The following ROBO2 variants were observed in gnomAD, a reference collection of about 807,000 sequenced individuals.
ROBO2 encodes roundabout homolog 2.
In ROBO2, 53 loss-of-function variants were observed where a neutral mutation model predicts 160.8. The observed-to-expected ratio is 0.33, with a 90% confidence interval of 0.26 to 0.41. ROBO2 has a LOEUF of 0.41. Ranked by LOEUF, ROBO2 falls within the 10% of genes least tolerant of loss-of-function variation. The pLI, the probability that ROBO2 is intolerant of heterozygous loss-of-function variation, is 1.00. For synonymous variants in ROBO2, 664 were observed against 611.7 expected (o/e 1.09, Z -1.26); for missense variants, 1,577 against 1,722.4 (o/e 0.92, Z 1.49).
At chr3:76,413,940 A>G (rs1425599877) in intron 2 of ROBO2, among the ~76,000 whole-genome samples, 1 of 150,120 alleles carries the variant, frequency 6.7e-6, no homozygotes, top group Non-Finnish European at 1.5e-5. Flanking sequence ...GGAGGAAAAA[A>G]TAAATTTAAT....
chr3:77,634,897 C>T lies in ROBO2; in HGVS notation c.3788C>T (p.Pro1263Leu), dbSNP rs753468152. ...AAAGCCTTTACCTCCTCTCAAAGAC[C>T]TCGACCTACCAGCCCATTTTCTACT... Residue 1263 changes from proline (P) to leucine (L), a missense_variant, in exon 24 of 26, where the codon CCT (proline) becomes CTT (leucine). Pro to Leu is a moderately conservative substitution (Grantham distance 98, BLOSUM62 -3). Coordinates refer to ENST00000461745, the Ensembl canonical transcript of ROBO2. 2.0e-5 allele frequency: 32 copies of T among 1,614,044 alleles called. No individual in the cohort carries two copies. The highest frequency in any genetic ancestry group is 1.3e-4 in the South Asian group (12 of 91,084).
intron 2 of ROBO2, among the ~76,000 whole-genome samples, chr3:76,087,758 GGAGT>G (rs1455223396): frequency 6.6e-6 from 1 of 151,976 alleles, no homozygotes; most frequent in Non-Finnish European, 1.5e-5. Context: ...ACAAGAGACA[GGAGT>G]GAGTAATTAG....
intron 2 of ROBO2, among the ~76,000 whole-genome samples, chr3:75,955,689 A>G (rs766508082): frequency 5.9e-5 from 9 of 151,696 alleles, no homozygotes; most frequent in Non-Finnish European, 1.3e-4. Flanking sequence ...AGTGTGCTCT[A>G]TACACTTCAT....
At chr3:76,341,570 C>T (rs554405093) in intron 2 of ROBO2, among the ~76,000 whole-genome samples, 2 of 149,876 alleles carry the variant, frequency 1.3e-5, no homozygotes, top group East Asian at 2.0e-4. Flanking sequence ...GGATCATTTA[C>T]ATTAGGCCAA....
At chr3:76,046,791 T>C (rs2067467690) in intron 2 of ROBO2, among the ~76,000 whole-genome samples, 1 of 150,994 alleles carries the variant, frequency 6.6e-6, no homozygotes, top group South Asian at 2.1e-4. Flanking sequence ...CATATTGGTG[T>C]TTCTCCCAAA....
intron 2 of ROBO2, among the ~76,000 whole-genome samples, chr3:77,404,707 T>G (rs372578542): frequency 6.6e-6 from 1 of 152,168 alleles, no homozygotes; most frequent in East Asian, 1.9e-4. Flanking sequence ...TATAGGAAAT[T>G]TGGCAAAATG....
intron 2 of ROBO2, among the ~76,000 whole-genome samples, chr3:77,370,488 T>C (rs1303021069): frequency 6.6e-6 from 1 of 152,150 alleles, no homozygotes; most frequent in Admixed American, 6.6e-5. Context: ...GCTGCAGCTT[T>C]TTGCTGCCTC....
chr3:76,831,541 A>C (rs1408830409), intron 2 of ROBO2, among the ~76,000 whole-genome samples: 1 of 152,176 alleles, frequency 6.6e-6, no homozygotes, highest in African/African-American at 2.4e-5. Flanking sequence ...AGCTCCATTA[A>C]AATTTTCTAT....
intron 23 of ROBO2, chr3:77,632,403 T>G: frequency 8.9e-7 from 1 of 1,118,092 alleles, no homozygotes; most frequent in Non-Finnish European, 1.2e-6. Flanking sequence ...ACTTGCTCAT[T>G]AGTATAGTGT....
At chr3:76,570,071 G>A (rs1312511714) in intron 2 of ROBO2, among the ~76,000 whole-genome samples, 1 of 152,136 alleles carries the variant, frequency 6.6e-6, no homozygotes, top group African/African-American at 2.4e-5. Context: ...GGAGATCGAG[G>A]CTGCAGTGAG....
chr3:75,962,242 C>A (rs1281343212), intron 2 of ROBO2, among the ~76,000 whole-genome samples: 1 of 151,566 alleles, frequency 6.6e-6, no homozygotes, highest in Non-Finnish European at 1.5e-5. Context: ...TCATCAGAAA[C>A]AATGATAGTC....
intron 2 of ROBO2, among the ~76,000 whole-genome samples, chr3:77,449,228 T>C (rs999038638): frequency 3.9e-5 from 6 of 152,094 alleles, no homozygotes; most frequent in African/African-American, 1.4e-4. Context: ...TTGAAGTTCA[T>C]AGAATGAAAT....
chr3:76,369,433 G>A (rs2075991997), intron 2 of ROBO2, among the ~76,000 whole-genome samples: 1 of 151,890 alleles, frequency 6.6e-6, no homozygotes, highest in Non-Finnish European at 1.5e-5. Flanking sequence ...CTTGGGTGAT[G>A]TCATCTTTGT....
chr3:76,384,745 T>C (rs778568629), intron 2 of ROBO2, among the ~76,000 whole-genome samples: 1 of 151,994 alleles, frequency 6.6e-6, no homozygotes, highest in South Asian at 2.1e-4. Context: ...TATAAAACCA[T>C]CAGATCTTGT....
At chr3:77,407,327 T>A (rs1488333172) in intron 2 of ROBO2, among the ~76,000 whole-genome samples, 2 of 152,176 alleles carry the variant, frequency 1.3e-5, no homozygotes, top group African/African-American at 2.4e-5. Flanking sequence ...TCTCTAAGCC[T>A]TTTAGAATCG....
chr3:77,627,036 A>T (rs1030223652), intron 23 of ROBO2, among the ~76,000 whole-genome samples: 48 of 152,152 alleles, frequency 3.2e-4, no homozygotes, highest in Non-Finnish European at 6.0e-4. Context: ...GTTTAGTATT[A>T]GGGAAAAGTT....
intron 2 of ROBO2, among the ~76,000 whole-genome samples, chr3:76,690,425 A>G (rs1390282627): frequency 1.3e-5 from 2 of 152,068 alleles, no homozygotes; most frequent in Non-Finnish European, 2.9e-5. Flanking sequence ...AAGTGGCTTT[A>G]TCCCCTTTCA....
chr3:77,307,963 A>G (rs2063230492), intron 2 of ROBO2, among the ~76,000 whole-genome samples: 1 of 152,110 alleles, frequency 6.6e-6, no homozygotes, highest in Admixed American at 6.5e-5. Flanking sequence ...TCTCAAAAAA[A>G]GAAAAAAAAA....
chr3:76,661,514 T>A (rs2110056161), intron 2 of ROBO2, among the ~76,000 whole-genome samples: 1 of 152,266 alleles, frequency 6.6e-6, no homozygotes, highest in South Asian at 2.1e-4. Context: ...GGGCAGAGAT[T>A]ACAGGCAGAC....
Sources: allele counts gnomAD v4.1 joint callset (sites outside exome capture counted in the v4.1 genomes callset), GRCh38; gene constraint gnomAD v4.1.1; transcripts MANE v1.5; gene names NCBI Gene and HGNC (gene_info 2026-07-23, HGNC 2026-07-21).